PUS7: variants seen among roughly 807,000 people sequenced by gnomAD.
PUS7 encodes pseudouridine synthase 7, also known as pseudouridylate synthase 7 homolog.
PUS7 carries 48 observed loss-of-function variants against 79.8 expected under a neutral mutation model. That is an observed-to-expected ratio of 0.60 (90% CI 0.48 to 0.76). PUS7 has a LOEUF of 0.76. PUS7 is among the 30% of genes least tolerant of loss of function. PUS7 has a pLI of 0.00. For synonymous variants in PUS7, 286 were observed against 272.2 expected (o/e 1.05, Z -0.50); for missense variants, 729 against 797.6 (o/e 0.91, Z 1.04).
chr7:105,483,594 G>A (rs1178717637), intron 7 of PUS7, among the ~76,000 whole-genome samples: 1 of 152,056 alleles, frequency 6.6e-6, no homozygotes, highest in East Asian at 1.9e-4. Flanking sequence ...ATAAGTTCAA[G>A]AGATTCTTCT....
intron 9 of PUS7, among the ~76,000 whole-genome samples, chr7:105,473,323 C>T (rs1035449697): frequency 2.0e-5 from 3 of 152,026 alleles, no homozygotes; most frequent in Admixed American, 6.6e-5. Context: ...GATCTTGGCT[C>T]GCTGCAACCT....
At chr7:105,503,901 G>A (rs1275002006) in intron 4 of PUS7, among the ~76,000 whole-genome samples, 1 of 152,024 alleles carries the variant, frequency 6.6e-6, no homozygotes, top group Non-Finnish European at 1.5e-5. Context: ...CCAAAGTACT[G>A]GAATTCCATG....
At chr7:105,485,427 C>T (rs1156664078) in intron 7 of PUS7, among the ~76,000 whole-genome samples, 1 of 152,038 alleles carries the variant, frequency 6.6e-6, no homozygotes, top group Admixed American at 6.5e-5. Context: ...CATGGCTGGT[C>T]TTGAACTCCT....
At chr7:105,497,306 A>G (rs1279701360) in intron 5 of PUS7, among the ~76,000 whole-genome samples, 1 of 152,190 alleles carries the variant, frequency 6.6e-6, no homozygotes, top group African/African-American at 2.4e-5. Context: ...GCTTCCCCAA[A>G]AAGAGATCTG....
At position 105,472,185 on chromosome 7, in the gene PUS7, A is replaced by T. The variant is rs766699374; in HGVS notation, c.1184T>A (p.Leu395Gln). ...VPTYQVGRAI[L>Q]QNSWTEVMDL... is the part of the protein sequence containing the mutation. ...CATGACTTCTGTCCAGGAATTTTGT[A>T]GTATAGCTCTAAAATTAAACAACAT... Residue 395 changes from leucine to glutamine, a missense_variant, in exon 10 of 16, where the codon CTA (leucine) becomes CAA (glutamine). Transcript: ENST00000469408. 6.3e-7 allele frequency: 1 copy of T among 1,582,312 alleles called. No homozygotes were observed. Among genetic ancestry groups the T allele is most frequent in the Admixed American group, 1.7e-5 (1 of 59,392 alleles).
At chr7:105,513,652 A>G (rs1484798283) in intron 1 of PUS7, among the ~76,000 whole-genome samples, 1 of 150,048 alleles carries the variant, frequency 6.7e-6, no homozygotes, top group African/African-American at 2.5e-5. Flanking sequence ...CCTGGCTAAC[A>G]TGGTGAAACC....
rs569256590 is a variant in PUS7, at chr7:105,501,100, G to A, written c.730+1320C>T. On this transcript the variant is annotated intron_variant, in intron 5 of 15. Transcript: ENST00000469408. ...ACTAGATTATTTCCTCAGGCACAGC[G>A]AAGCTTTCCTCCTGTTCTCTTTTTT... Among the ~76,000 whole-genome samples, 194 of 152,246 alleles carry A rather than the reference G, an allele frequency of 1.3e-3. 4 individuals are homozygous for A. The highest frequency in any genetic ancestry group is 1.5e-4 in the Non-Finnish European group (10 of 68,020).
chr7:105,493,542 A>G (rs1178280109), intron 6 of PUS7, among the ~76,000 whole-genome samples: 3 of 152,200 alleles, frequency 2.0e-5, no homozygotes, highest in African/African-American at 7.2e-5. Context: ...TGTCTCCCCC[A>G]AAATTAGTAT....
intron 5 of PUS7, among the ~76,000 whole-genome samples, chr7:105,499,532 T>G (rs1230123994): frequency 6.6e-6 from 1 of 152,220 alleles, no homozygotes. Flanking sequence ...TCAGTAATGT[T>G]ATGATAGTTT....
At chr7:105,462,472 G>T in intron 14 of PUS7, 149 bp downstream of exon 14, 12 of 780,536 alleles carry the variant, frequency 1.5e-5, no homozygotes, top group Non-Finnish European at 2.0e-5. Flanking sequence ...GTAAAAATAT[G>T]GTGTTATAAT....
At position 105,465,365 on chromosome 7, in the gene PUS7, A is replaced by G. The variant is rs755762913; in HGVS notation, c.1575T>C (p.His525=). The G allele has an allele frequency of 1.2e-6, 2 of 1,613,830 alleles. No individual in the cohort carries two copies. The highest frequency in any genetic ancestry group is 3.3e-5 in the Admixed American group (2 of 60,016). The part of the protein sequence containing the change: ...EEDDVNNYSI[H]DVVMPLPGFD... Reference sequence around the variant, plus strand: ...AACCAGGCAAGGGCATTACCACATCATGGATAGAGTAATTATTAACATCAT... The same window carrying G: ...AACCAGGCAAGGGCATTACCACATCGTGGATAGAGTAATTATTAACATCAT... Residue 525 remains histidine, a synonymous_variant, in exon 13 of 16, where the codon CAT becomes CAC. Transcript: ENST00000469408.
Position 105,457,858 on chromosome 7 carries a change from G to A in PUS7, c.1918C>T (p.Arg640Ter), listed in dbSNP as rs895626874. The change falls in exon 16 of 16, where the codon CGA (arginine) becomes TGA (stop). Residue 640 changes from arginine (R) to a stop codon, truncating the protein, a stop_gained. Coordinates refer to ENST00000469408, the MANE Select transcript of PUS7 (RefSeq NM_019042.5). LOFTEE classifies it high-confidence loss of function. ...CTGGTATCCATTTTTAGCACTTCTC[G>A]AATGGCCATGGTGGCGTAAGTAGAA... is the stretch of plus-strand genomic sequence containing the variant. ...PPSTYATMAI[R>*]EVLKMDTSIK... 1 of 1,613,898 alleles carries A rather than the reference G, an allele frequency of 6.2e-7. No individual in the cohort carries two copies. Among genetic ancestry groups the A allele is most frequent in the African/African-American group, 1.3e-5 (1 of 74,892 alleles).
chr7:105,490,497 C>T (rs565147811), intron 7 of PUS7, among the ~76,000 whole-genome samples: 18 of 152,196 alleles, frequency 1.2e-4, no homozygotes, highest in Middle Eastern at 3.4e-3. Context: ...TAGCCCTGGT[C>T]TCTAGTTTTG....
intron 7 of PUS7, among the ~76,000 whole-genome samples, chr7:105,490,355 T>G (rs1824732947): frequency 6.6e-6 from 1 of 152,136 alleles, no homozygotes; most frequent in South Asian, 2.1e-4. Context: ...ATTCCTTGCC[T>G]CTGGAGGTAT....
Position 105,522,230 on chromosome 7 carries a change from G to T in PUS7, c.-211C>A, listed in dbSNP as rs1826154109. On this transcript the variant is annotated 5_prime_UTR_variant, in exon 1 of 16. Transcript: ENST00000469408. The stretch of plus-strand genomic sequence containing the variant: ...GCTCCAGCCGACTCACCGGCGGCCG[G>T]GCTCGCACACGTGCGGCGCAGCGAC... 1 of 151,806 alleles carries T rather than the reference G, an allele frequency of 6.6e-6. No individual in the cohort carries two copies. Among genetic ancestry groups the T allele is most frequent in the Non-Finnish European group, 1.5e-5 (1 of 67,930 alleles). 9.4% of individuals were successfully genotyped at this position (151,806 alleles called of 1,614,324 possible).
At chr7:105,460,501 T>C (rs2133030401) in intron 14 of PUS7, among the ~76,000 whole-genome samples, 1 of 152,274 alleles carries the variant, frequency 6.6e-6, no homozygotes, top group African/African-American at 2.4e-5. Flanking sequence ...AATAGGCAAC[T>C]AGTTCAGGAT....
chr7:105,497,841 T>C (rs1825097594), intron 5 of PUS7, among the ~76,000 whole-genome samples: 1 of 152,228 alleles, frequency 6.6e-6, no homozygotes, highest in South Asian at 2.1e-4. Flanking sequence ...ATCTTAAAGA[T>C]GGTTTATGGG....
At chr7:105,486,105 G>A (rs975053210) in intron 7 of PUS7, among the ~76,000 whole-genome samples, 3 of 151,676 alleles carry the variant, frequency 2.0e-5, no homozygotes, top group Non-Finnish European at 4.4e-5. Flanking sequence ...GGAGTGGAGT[G>A]CACTAGTGTG....
At chr7:105,481,613 C>T (rs1824322850) in intron 8 of PUS7, among the ~76,000 whole-genome samples, 1 of 152,128 alleles carries the variant, frequency 6.6e-6, no homozygotes, top group East Asian at 1.9e-4. Flanking sequence ...AACTCTGTAC[C>T]CCTAAACAGT....
Sources: allele counts gnomAD v4.1 joint callset (sites outside exome capture counted in the v4.1 genomes callset), GRCh38; gene constraint gnomAD v4.1.1; transcripts MANE v1.5; gene names NCBI Gene and HGNC (gene_info 2026-07-23, HGNC 2026-07-21).